PANK2: variants seen among roughly 807,000 people sequenced by gnomAD.
PANK2 encodes the protein pantothenate kinase 2, mitochondrial.
Under a neutral mutation model 43.1 loss-of-function variants are expected in PANK2, and 36 were observed. The ratio of observed to expected loss-of-function variants is 0.84; its 90% CI spans 0.64 to 1.10. The LOEUF (loss-of-function observed/expected upper bound fraction) is 1.10. PANK2 is among the 50% of genes least tolerant of loss of function. The probability of loss-of-function intolerance (pLI) is 0.00; values close to 1 mark genes in which losing one functional copy is unlikely to be tolerated. For missense variants in PANK2, 576 were observed against 593.3 expected (o/e 0.97, Z 0.30); for synonymous variants, 281 against 238.2 (o/e 1.18, Z -1.66).
At chr20:3,906,941 A>T (rs750733882) in intron 1 of PANK2, among the ~76,000 whole-genome samples, 13 of 151,804 alleles carry the variant, frequency 8.6e-5, no homozygotes, top group African/African-American at 3.1e-4. Context: ...TGGGACTACA[A>T]GCGCACGCCA....
chr20:3,891,489 A>G (rs1009502833), intron 1 of PANK2: 5 of 152,352 alleles, frequency 3.3e-5, no homozygotes, highest in South Asian at 2.1e-4. Context: ...GCGTTGTGAA[A>G]TAGAAATGTA....
rs540203022 is a variant in PANK2, at chr20:3,926,554, C to T, written c.*3260C>T. 6.6e-6 allele frequency: 1 copy of T among 152,472 alleles called. No homozygotes were observed. The highest frequency in any genetic ancestry group is 1.9e-4 in the East Asian group (1 of 5,184). 9.4% of individuals were successfully genotyped at this position (152,472 alleles called of 1,614,324 possible). ...GCTTTGGACGTTTTTTCTCCTGACACTAGTTATTTCCAGGCCTGGGATATA... is the reference window on the plus strand; with the variant it reads ...GCTTTGGACGTTTTTTCTCCTGACATTAGTTATTTCCAGGCCTGGGATATA... On this transcript the variant is annotated 3_prime_UTR_variant, in exon 7 of 7. Coordinates refer to ENST00000610179, the MANE Select transcript of PANK2 (RefSeq NM_001386393.1).
chr20:3,903,770 G>A (rs1231417468), intron 1 of PANK2, among the ~76,000 whole-genome samples: 1 of 151,678 alleles, frequency 6.6e-6, no homozygotes, highest in Non-Finnish European at 1.5e-5. Context: ...TGGGATTAGA[G>A]GCATGTGCCA....
At chr20:3,921,661 T>C (rs2090649107) in intron 6 of PANK2, 1 of 152,212 alleles carries the variant, frequency 6.6e-6, no homozygotes, top group East Asian at 1.9e-4. Context: ...TTGGTGTGGC[T>C]GCCTTTATTT....
At chr20:3,912,848 G>C (rs2146873697) in intron 4 of PANK2, among the ~76,000 whole-genome samples, 1 of 147,986 alleles carries the variant, frequency 6.8e-6, no homozygotes, top group African/African-American at 2.5e-5. Context: ...TACTTGGGAG[G>C]CTGAGGCAGG....
rs6116087 is a variant in PANK2, at chr20:3,907,690, A to G, written c.299-236A>G. Among the ~76,000 whole-genome samples the G allele has an allele frequency of 0.68, 102,732 of 151,896 alleles. 35,040 individuals carry two copies. The highest frequency in any genetic ancestry group is 0.77 in the Admixed American group (11,703 of 15,248). On this transcript the variant is annotated intron_variant, in intron 1 of 6. Transcript: ENST00000610179. ...AGTGCGGTTTGCGCTTGTCTGACAG[A>G]ATGGTTGGGTTGGCTCAATACTTTG...
rs745899513 is a variant in PANK2, at chr20:3,918,797, G to T, written c.1332+1G>T. ...GAAAGCACTTTTTTCGGAACACGAG[G>T]TAAGCTGACTTGTTCGTTGTGGTAT... On this transcript the variant is annotated splice_donor_variant, in intron 6 of 6. Transcript: ENST00000610179. LOFTEE classifies it high-confidence loss of function. 6.2e-7 allele frequency: 1 copy of T among 1,614,234 alleles called. No homozygotes were observed. Among genetic ancestry groups the T allele is most frequent in the Admixed American group, 1.7e-5 (1 of 60,030 alleles).
chr20:3,898,410 G>T (rs1294701508), intron 1 of PANK2, among the ~76,000 whole-genome samples: 1 of 152,092 alleles, frequency 6.6e-6, no homozygotes, highest in African/African-American at 2.4e-5. Flanking sequence ...ATGTCGGCCA[G>T]ACTGGTCTCG....
At chr20:3,897,906 G>A (rs2090235454) in intron 1 of PANK2, among the ~76,000 whole-genome samples, 2 of 152,132 alleles carry the variant, frequency 1.3e-5, no homozygotes, top group Non-Finnish European at 2.9e-5. Context: ...TCGGGAGGCT[G>A]AGGCAGGAGA....
chr20:3,903,558 C>A (rs1269270224), intron 1 of PANK2, among the ~76,000 whole-genome samples: 7 of 148,764 alleles, frequency 4.7e-5, no homozygotes, highest in Non-Finnish European at 1.0e-4. Flanking sequence ...CCTCTGCCTC[C>A]TGGTTCAAGT....
Position 3,889,720 on chromosome 20 carries a change from A to G in PANK2, c.290A>G (p.Lys97Arg). 6.3e-7 allele frequency: 1 copy of G among 1,595,770 alleles called. No individual in the cohort carries two copies. ...CAGCGCGTCGAAAGCCTGAGGAAAA[A>G]GCGGCCGCGTAAGTGTTCCGTGGGG... Residue 97 changes from lysine to arginine, a missense_variant, in exon 1 of 7, where the codon AAG (lysine) becomes AGG (arginine). Lys to Arg is a conservative substitution (Grantham distance 26, BLOSUM62 2). Coordinates refer to ENST00000610179, the MANE Select transcript of PANK2 (RefSeq NM_001386393.1).
At chr20:3,897,059 T>C (rs1345125535) in intron 1 of PANK2, among the ~76,000 whole-genome samples, 1 of 152,100 alleles carries the variant, frequency 6.6e-6, no homozygotes, top group Non-Finnish European at 1.5e-5. Flanking sequence ...TACATAGTCG[T>C]TGGAATTGCA....
At chr20:3,891,444 A>G (rs2090121657) in intron 1 of PANK2, 1 of 152,178 alleles carries the variant, frequency 6.6e-6, no homozygotes, top group Admixed American at 6.5e-5. Flanking sequence ...ACAGATGAGA[A>G]AACTGGGACA....
chr20:3,917,113 CA>C, intron 5 of PANK2, 63 bp downstream of exon 5: 1 of 1,601,222 alleles, frequency 6.2e-7, no homozygotes, highest in Non-Finnish European at 8.6e-7. Flanking sequence ...TGGGCCCCAT[CA>C]CGTCTGTTTT....
chr20:3,893,650 C>A (rs1051978416), intron 1 of PANK2, among the ~76,000 whole-genome samples: 2 of 152,128 alleles, frequency 1.3e-5, no homozygotes, highest in Non-Finnish European at 2.9e-5. Flanking sequence ...TGATTTTGGA[C>A]TCCTACAAAT....
At chr20:3,901,471 GAC>G (rs1418937639) in intron 1 of PANK2, 1 of 330,476 alleles carries the variant, frequency 3.0e-6, no homozygotes, top group East Asian at 1.7e-4. Flanking sequence ...TCTAAATTTT[GAC>G]ACATTTAAAC....
chr20:3,892,359 AAGG>A (rs1281300614), intron 1 of PANK2, among the ~76,000 whole-genome samples: 2 of 151,818 alleles, frequency 1.3e-5, no homozygotes, highest in Admixed American at 6.6e-5. Context: ...AACAAAAAAA[AAGG>A]AGAAGCAGCT....
rs1299368711 is a variant in PANK2 at position 3,928,359 on chromosome 20, G to T, written c.*5065G>T. The T allele has an allele frequency of 6.6e-6, 1 of 152,202 alleles. No homozygotes were observed. Among genetic ancestry groups the T allele is most frequent in the African/African-American group, 2.4e-5 (1 of 41,444 alleles). The allele number at this position is 152,202 out of a possible 1,614,324, so 9.4% of individuals were successfully genotyped here. A position where few individuals can be genotyped will look rare whatever the true frequency, so the allele number is the denominator to read the frequency against. Reference sequence around the variant, plus strand: ...GAGGTGGGTGTGGACAGAGGCACTGGGCAGCTGCTGGGAAGCGAGGCACAA... The same window carrying T: ...GAGGTGGGTGTGGACAGAGGCACTGTGCAGCTGCTGGGAAGCGAGGCACAA... On this transcript the variant is annotated 3_prime_UTR_variant, in exon 7 of 7. Coordinates refer to ENST00000610179, the MANE Select transcript of PANK2 (RefSeq NM_001386393.1).
chr20:3,910,709 T>C lies in PANK2; in HGVS notation c.784T>C (p.Cys262Arg). 6.2e-7 allele frequency: 1 copy of C among 1,614,190 alleles called. No homozygotes were observed. Among genetic ancestry groups the C allele is most frequent in the Non-Finnish European group, 8.5e-7 (1 of 1,180,026 alleles). ...TGAAAACCCTGCTGATTCTGAAAAG[T>C]GTCAGAAGTTACCATTTGATTTGAA... The change falls in exon 3 of 7, where the codon TGT (cysteine) becomes CGT (arginine). Residue 262 changes from cysteine to arginine, a missense_variant. This residue lies in a region of PANK2 where 544 missense variants were observed against 528.9 expected (regional missense o/e 1.03). Coordinates refer to ENST00000610179, the MANE Select transcript of PANK2 (RefSeq NM_001386393.1).
Sources: allele counts gnomAD v4.1 joint callset (sites outside exome capture counted in the v4.1 genomes callset), GRCh38; gene constraint gnomAD v4.1.1; regional missense constraint gnomAD v4.1.1; transcripts MANE v1.5; gene names NCBI Gene and HGNC (gene_info 2026-07-23, HGNC 2026-07-21).